RAB28: variants seen among roughly 807,000 people sequenced by gnomAD.
The protein encoded by RAB28 is RAB28, member RAS oncogene family, also known as ras-related protein Rab-28.
RAB28 carries 24 observed loss-of-function variants against 31.7 expected under a neutral mutation model. The observed-to-expected ratio is 0.76, with a 90% CI of 0.55 to 1.06. The LOEUF is 1.06. Ranked by LOEUF, RAB28 falls within the 50% of genes least tolerant of loss-of-function variation. The pLI is 0.00. For missense variants in RAB28, 254 were observed against 258.5 expected (o/e 0.98, Z 0.12); for synonymous variants, 100 against 90.4 (o/e 1.11, Z -0.60).
chr4:13,484,229 G>A lies in RAB28; in HGVS notation c.-79C>T, dbSNP rs537593708. The A allele has an allele frequency of 5.8e-5, 68 of 1,179,442 alleles. No homozygotes were observed. Among genetic ancestry groups the A allele is most frequent in the Non-Finnish European group, 8.3e-5 (67 of 810,690 alleles). The allele number at this position is 1,179,442 out of a possible 1,614,324, so 73.1% of individuals were successfully genotyped here. Reference sequence around the variant, plus strand: ...AAGGCTCCGGGGGCGGGGGAGAGGAGGAAGGGAGGTAGTTGCGGCAGGACC... The same window carrying A: ...AAGGCTCCGGGGGCGGGGGAGAGGAAGAAGGGAGGTAGTTGCGGCAGGACC... On this transcript the variant is annotated 5_prime_UTR_variant, in exon 1 of 7. Transcript: ENST00000330852.
In RAB28 at chr4:13,435,788, T is replaced by C. The variant is rs563323470; in HGVS notation, c.391+24911A>G. Among the ~76,000 whole-genome samples, 4 of 152,262 alleles carry C rather than the reference T, an allele frequency of 2.6e-5. No homozygotes were observed. In the South Asian group the frequency reaches 6.2e-4, roughly 24 times the overall value. On this transcript the variant is annotated intron_variant, in intron 4 of 6. Coordinates refer to ENST00000330852, the MANE Select transcript of RAB28 (RefSeq NM_001017979.3). ...GATGCATTTCACAGCCAAAATCTACTAGACATACAAAGAAGAGCTGGTACC... is the reference window on the plus strand; with the variant it reads ...GATGCATTTCACAGCCAAAATCTACCAGACATACAAAGAAGAGCTGGTACC...
At chr4:13,482,145 C>T (rs1716633552) in intron 1 of RAB28, among the ~76,000 whole-genome samples, 1 of 151,956 alleles carries the variant, frequency 6.6e-6, no homozygotes, top group Admixed American at 6.6e-5. Context: ...TCCTTTGAAG[C>T]AGAATGATAA....
At chr4:13,413,518 C>T (rs1021944855) in intron 4 of RAB28, among the ~76,000 whole-genome samples, 3 of 152,064 alleles carry the variant, frequency 2.0e-5, no homozygotes, top group Non-Finnish European at 4.4e-5. Context: ...GCTCTTGTCA[C>T]ACTATTTAAT....
intron 4 of RAB28, among the ~76,000 whole-genome samples, chr4:13,425,278 T>G (rs1231767250): frequency 2.0e-5 from 3 of 152,320 alleles, no homozygotes; most frequent in African/African-American, 7.2e-5. Flanking sequence ...AATGTAGTAC[T>G]TTTAAGAAAC....
At chr4:13,453,018 A>G (rs534289829) in intron 4 of RAB28, among the ~76,000 whole-genome samples, 95 of 152,244 alleles carry the variant, frequency 6.2e-4, no homozygotes, top group African/African-American at 2.2e-3. Context: ...TTATTATTAT[A>G]TGATGTCCTC....
In RAB28 at chr4:13,384,534, T is replaced by C. The variant is rs149383852; in HGVS notation, c.392-2940A>G. Among the ~76,000 whole-genome samples, 695 of 151,716 alleles carry C rather than the reference T, an allele frequency of 4.6e-3. 5 individuals carry two copies. Among genetic ancestry groups the C allele is most frequent in the African/African-American group, 0.016 (662 of 41,296 alleles). Reference sequence around the variant, plus strand: ...ACAGTGGGTTCCTAACCTCGAGGAGTCAGAGAACAAATCTGGGGCTGGATA... The same window carrying C: ...ACAGTGGGTTCCTAACCTCGAGGAGCCAGAGAACAAATCTGGGGCTGGATA... On this transcript the variant is annotated intron_variant, in intron 4 of 6. Coordinates refer to ENST00000330852, the MANE Select transcript of RAB28 (RefSeq NM_001017979.3).
intron 4 of RAB28, among the ~76,000 whole-genome samples, chr4:13,414,840 C>G (rs1032229335): frequency 1.3e-5 from 2 of 151,996 alleles, no homozygotes; most frequent in Non-Finnish European, 2.9e-5. Context: ...TCATATATGC[C>G]TTCATTAAAT....
At chr4:13,478,091 A>C (rs1429213338) in intron 2 of RAB28, among the ~76,000 whole-genome samples, 1 of 151,500 alleles carries the variant, frequency 6.6e-6, no homozygotes, top group African/African-American at 2.4e-5. Context: ...TGTGAAAAAA[A>C]CTCCTGCAAA....
In RAB28 at chr4:13,467,206, G is replaced by C. The variant is rs547909077; in HGVS notation, c.262-6378C>G. 3.3e-5 allele frequency among the ~76,000 whole-genome samples: 5 copies of C among 151,920 alleles called. No homozygotes were observed. The South Asian group carries it at 1.0e-3, about 32-fold the overall frequency. ...ACATAAAAAAGTTATAAGTACTTGA[G>C]ATAATGAATATGCTAATTGGCTTGA... On this transcript the variant is annotated intron_variant, in intron 3 of 6. Transcript: ENST00000330852.
chr4:13,479,011 C>T (rs553497575), intron 2 of RAB28, among the ~76,000 whole-genome samples: 1 of 151,776 alleles, frequency 6.6e-6, no homozygotes, highest in Admixed American at 6.6e-5. Flanking sequence ...CTACATTATA[C>T]TTCTGTTCCA....
chr4:13,393,201 A>C (rs1022069492), intron 4 of RAB28, among the ~76,000 whole-genome samples: 1 of 152,258 alleles, frequency 6.6e-6, no homozygotes, highest in Non-Finnish European at 1.5e-5. Flanking sequence ...ACAACTGCTT[A>C]GGGATGATAG....
rs1444530661 is a variant in RAB28 at position 13,460,831 on chromosome 4, G to A, written c.262-3C>T. On this transcript the variant is annotated splice_region_variant and splice_polypyrimidine_tract_variant and intron_variant, in intron 3 of 6. Transcript: ENST00000330852. ...ATATCATATACCAAGAGGACTCCCT[G>A]TCACAAAAGAGTTACAAAATATCTG... The A allele has an allele frequency of 6.2e-7, 1 of 1,608,068 alleles. No individual in the cohort carries two copies. The highest frequency in any genetic ancestry group is 8.5e-7 in the Non-Finnish European group (1 of 1,176,940).
intron 4 of RAB28, among the ~76,000 whole-genome samples, chr4:13,453,552 T>C (rs1715089878): frequency 6.6e-6 from 1 of 152,162 alleles, no homozygotes; most frequent in African/African-American, 2.4e-5. Context: ...CAATGAATTC[T>C]CTCAGTTCTT....
At chr4:13,475,299 T>C (rs1033562772) in intron 2 of RAB28, among the ~76,000 whole-genome samples, 4 of 151,664 alleles carry the variant, frequency 2.6e-5, no homozygotes, top group African/African-American at 7.2e-5. Context: ...AGCCAAACTA[T>C]GCTTTTTAGT....
chr4:13,480,712 C>T (rs1716570589), intron 1 of RAB28, among the ~76,000 whole-genome samples: 1 of 151,844 alleles, frequency 6.6e-6, no homozygotes, highest in African/African-American at 2.4e-5. Flanking sequence ...TAATAAATTT[C>T]GAAGATAATT....
intron 4 of RAB28, among the ~76,000 whole-genome samples, chr4:13,420,963 T>C (rs1322836618): frequency 6.6e-6 from 1 of 152,188 alleles, no homozygotes; most frequent in East Asian, 1.9e-4. Context: ...GGAGGTCAAA[T>C]TGTTCCTGTT....
chr4:13,445,540 G>C (rs1443129099), intron 4 of RAB28, among the ~76,000 whole-genome samples: 1 of 152,104 alleles, frequency 6.6e-6, no homozygotes, highest in African/African-American at 2.4e-5. Flanking sequence ...CTGTGGATAA[G>C]GTTTTTGTGG....
chr4:13,392,967 T>C (rs566342537), intron 4 of RAB28, among the ~76,000 whole-genome samples: 24 of 152,310 alleles, frequency 1.6e-4, no homozygotes, highest in African/African-American at 5.8e-4. Flanking sequence ...ATGACTAGCA[T>C]ATAGCAAGAC....
chr4:13,463,557 T>C (rs2108962565), intron 3 of RAB28, among the ~76,000 whole-genome samples: 1 of 152,276 alleles, frequency 6.6e-6, no homozygotes, highest in Middle Eastern at 3.4e-3. Context: ...AAATATTTAC[T>C]ATCTAGCTCT....
Sources: allele counts gnomAD v4.1 joint callset (sites outside exome capture counted in the v4.1 genomes callset), GRCh38; gene constraint gnomAD v4.1.1; transcripts MANE v1.5; gene names NCBI Gene and HGNC (gene_info 2026-07-23, HGNC 2026-07-21).